Variants in DOCK3 observed in about 807,000 individuals in gnomAD.
DOCK3 encodes the protein dedicator of cytokinesis 3.
Under a neutral mutation model 265.6 loss-of-function variants are expected in DOCK3, and 60 were observed. The ratio of observed to expected loss-of-function variants is 0.23; its 90% CI spans 0.18 to 0.28. The LOEUF is 0.28. Among genes scored for constraint, DOCK3 ranks in the 10% least tolerant of loss-of-function variants. The pLI, the probability that DOCK3 is intolerant of heterozygous loss-of-function variation, is 1.00. For synonymous variants in DOCK3, 881 were observed against 938.0 expected, an observed-to-expected ratio of 0.94 and a Z score of 1.11; for missense variants, 1,981 against 2,594.3, an observed-to-expected ratio of 0.76 and a Z score of 5.14.
chr3:51,160,556 C>A lies in DOCK3; in HGVS notation c.891C>A (p.Gly297=), dbSNP rs765745079. Reference sequence around the variant, plus strand: ...CTGGTGTTTTCTGCTGTGCCCAAGGCCGGATGCTCCTGAACGACTCAAAGA... The same window carrying A: ...CTGGTGTTTTCTGCTGTGCCCAAGGACGGATGCTCCTGAACGACTCAAAGA... ...LYIVAHVIRI[G]RMLLNDSKKG... is the part of the protein sequence containing the mutation. Residue 297 remains glycine, a splice_region_variant and synonymous_variant, in exon 12 of 53, where the codon GGC becomes GGA. Transcript: ENST00000266037. The A allele has an allele frequency of 2.5e-6, 4 of 1,607,660 alleles. No individual in the cohort carries two copies.
In DOCK3 at chr3:51,193,593, A is replaced by G. The variant is rs529393345; in HGVS notation, c.1038-15181A>G. Among the ~76,000 whole-genome samples the G allele has an allele frequency of 7.2e-5, 11 of 152,126 alleles. No individual in the cohort carries two copies. The East Asian group carries it at 1.7e-3, about 24-fold the overall frequency. The stretch of plus-strand genomic sequence containing the variant: ...TTTTAATTACTGATATAATCTTGCT[A>G]TGCATTATTGGTCTATTCAGGGTTT... On this transcript the variant is annotated intron_variant, in intron 12 of 52. Transcript: ENST00000266037.
chr3:50,730,873 G>A (rs543794062), intron 1 of DOCK3, among the ~76,000 whole-genome samples: 1 of 151,882 alleles, frequency 6.6e-6, no homozygotes, highest in South Asian at 2.1e-4. Context: ...GCTCATGCCT[G>A]TAATCCCAGC....
intron 5 of DOCK3, among the ~76,000 whole-genome samples, chr3:50,978,180 C>T (rs958809664): frequency 3.3e-5 from 5 of 150,588 alleles, no homozygotes; most frequent in Non-Finnish European, 7.4e-5. Flanking sequence ...TGTTCCATTG[C>T]TGGTGAGGAA....
At chr3:51,108,723 G>T (rs144694502) in intron 9 of DOCK3, among the ~76,000 whole-genome samples, 3,376 of 152,252 alleles carry the variant, frequency 0.022, 64 homozygotes, top group Non-Finnish European at 0.03. Flanking sequence ...ACAGAAAAAA[G>T]CAGGGATTGC....
At chr3:51,102,470 G>A (rs2083124444) in intron 9 of DOCK3, among the ~76,000 whole-genome samples, 1 of 152,112 alleles carries the variant, frequency 6.6e-6, no homozygotes, top group African/African-American at 2.4e-5. Flanking sequence ...GTATATCAGG[G>A]TTTATATTTT....
At chr3:51,296,016 A>AT (rs924574986) in intron 27 of DOCK3, among the ~76,000 whole-genome samples, 1 of 152,004 alleles carries the variant, frequency 6.6e-6, no homozygotes, top group African/African-American at 2.4e-5. Flanking sequence ...AACTTTTTAA[A>AT]TTTTTTTTAA....
chr3:50,898,024 G>GT, intron 4 of DOCK3, among the ~76,000 whole-genome samples: 1 of 107,788 alleles, frequency 9.3e-6, no homozygotes, highest in East Asian at 2.4e-4. Context: ...CTCTTTTTCA[G>GT]TTTTTTGGAA....
At chr3:50,971,108 C>G (rs1434971791) in intron 5 of DOCK3, among the ~76,000 whole-genome samples, 3 of 148,594 alleles carry the variant, frequency 2.0e-5, no homozygotes, top group African/African-American at 7.5e-5. Flanking sequence ...GGGATTACAG[C>G]TGTGTGTCAT....
chr3:50,715,810 TG>T (rs1264775321), intron 1 of DOCK3, among the ~76,000 whole-genome samples: 7 of 152,234 alleles, frequency 4.6e-5, no homozygotes, highest in African/African-American at 1.7e-4. Flanking sequence ...TAAAGGTAAT[TG>T]TCTTCTGGTT....
intron 27 of DOCK3, among the ~76,000 whole-genome samples, chr3:51,284,267 G>T (rs1027778280): frequency 6.6e-6 from 1 of 152,032 alleles, no homozygotes; most frequent in Non-Finnish European, 1.5e-5. Flanking sequence ...GCAGTTTTAT[G>T]TGAGCACATA....
intron 5 of DOCK3, among the ~76,000 whole-genome samples, chr3:51,053,245 T>C (rs2081074923): frequency 6.7e-6 from 1 of 150,080 alleles, no homozygotes; most frequent in Non-Finnish European, 1.5e-5. Context: ...CTTAGTTGTT[T>C]CTTCTGGTGT....
intron 22 of DOCK3, among the ~76,000 whole-genome samples, chr3:51,251,379 T>C (rs758001432): frequency 9.9e-5 from 15 of 152,244 alleles, no homozygotes; most frequent in Non-Finnish European, 1.9e-4. Context: ...TTTGGGTATA[T>C]ACCCAGTAAT....
chr3:50,765,732 A>G (rs1369611178), intron 1 of DOCK3, among the ~76,000 whole-genome samples: 10 of 152,204 alleles, frequency 6.6e-5, no homozygotes, highest in Non-Finnish European at 1.2e-4. Flanking sequence ...TAGGTTTTCC[A>G]TCACCTCAAG....
intron 5 of DOCK3, among the ~76,000 whole-genome samples, chr3:50,974,138 G>A (rs1279570466): frequency 2.0e-5 from 3 of 151,598 alleles, no homozygotes; most frequent in African/African-American, 7.2e-5. Context: ...AAGCTCTTTA[G>A]TTTAATTAGA....
chr3:51,201,271 A>G lies in DOCK3; in HGVS notation c.1038-7503A>G, dbSNP rs1312278574. ...CAAGACCCATCAGTGTGCTGTATTC[A>G]GGAAACCCATCTCACGTGCAGAGAC... On this transcript the variant is annotated intron_variant, in intron 12 of 52. Transcript: ENST00000266037. 1.3e-5 allele frequency among the ~76,000 whole-genome samples: 2 copies of G among 150,778 alleles called. 1 individual carries two copies. The highest frequency in any genetic ancestry group is 4.9e-5 in the African/African-American group (2 of 41,094).
intron 12 of DOCK3, among the ~76,000 whole-genome samples, chr3:51,197,710 GC>G (rs1186226798): frequency 6.6e-6 from 1 of 152,132 alleles, no homozygotes; most frequent in Non-Finnish European, 1.5e-5. Context: ...CACTCCGCAG[GC>G]CCCAGGTGGA....
intron 49 of DOCK3, among the ~76,000 whole-genome samples, chr3:51,364,662 G>A (rs1316140512): frequency 6.6e-6 from 1 of 152,104 alleles, no homozygotes; most frequent in African/African-American, 2.4e-5. Flanking sequence ...ATTTTTGTAT[G>A]AGGTGTAAGG....
At chr3:51,046,758 A>G (rs2080791747) in intron 5 of DOCK3, among the ~76,000 whole-genome samples, 1 of 152,140 alleles carries the variant, frequency 6.6e-6, no homozygotes, top group African/African-American at 2.4e-5. Flanking sequence ...ATGCCACCCA[A>G]TAGCAACAGA....
intron 5 of DOCK3, among the ~76,000 whole-genome samples, chr3:50,954,835 C>G (rs544937752): frequency 7.3e-4 from 110 of 149,904 alleles, no homozygotes; most frequent in African/African-American, 2.7e-3. Context: ...TAATTAGATC[C>G]TATTTGTCAA....
Sources: allele counts gnomAD v4.1 joint callset (sites outside exome capture counted in the v4.1 genomes callset), GRCh38; gene constraint gnomAD v4.1.1; transcripts MANE v1.5; gene names NCBI Gene and HGNC (gene_info 2026-07-23, HGNC 2026-07-21).